Variants in RASGEF1A observed in about 807,000 individuals in gnomAD.
The protein encoded by RASGEF1A is ras-GEF domain-containing family member 1A.
A neutral mutation model predicts 56.4 loss-of-function variants in RASGEF1A; 18 were observed. The observed-to-expected ratio is 0.32, with a 90% confidence interval of 0.22 to 0.47. The LOEUF (loss-of-function observed/expected upper bound fraction) is 0.47, where lower values mean the gene tolerates loss of function less well. Among genes scored for constraint, RASGEF1A ranks in the 20% least tolerant of loss-of-function variants. The pLI, the probability that RASGEF1A is intolerant of heterozygous loss-of-function variation, is 1.00. For synonymous variants in RASGEF1A, 245 were observed against 242.6 expected (o/e 1.01, Z -0.09); for missense variants, 422 against 627.1 (o/e 0.67, Z 3.49).
In RASGEF1A at chr10:43,204,725, C is replaced by T. The variant is rs116760216; in HGVS notation, c.198+1194G>A. ...AGGAGCCAATGCCCAACTGGAGTCTCGTGGGAAGCTGGTCAGATCTCAGGG... is the reference window on the plus strand; with the variant it reads ...AGGAGCCAATGCCCAACTGGAGTCTTGTGGGAAGCTGGTCAGATCTCAGGG... On this transcript the variant is annotated intron_variant, in intron 2 of 12. Coordinates refer to ENST00000395810, the MANE Select transcript of RASGEF1A (RefSeq NM_145313.4). Among the ~76,000 whole-genome samples, 800 of 152,272 alleles carry T rather than the reference C, an allele frequency of 5.3e-3. 6 individuals are homozygous for T. The highest frequency in any genetic ancestry group is 0.017 in the African/African-American group (724 of 41,542).
chr10:43,219,922 G>A (rs1320158008), intron 1 of RASGEF1A, among the ~76,000 whole-genome samples: 2 of 152,214 alleles, frequency 1.3e-5, no homozygotes, highest in Non-Finnish European at 2.9e-5. Context: ...TGTGGGAGCA[G>A]GGAGCTCTCT....
At chr10:43,264,483 G>A (rs957758290) in intron 1 of RASGEF1A, among the ~76,000 whole-genome samples, 2 of 151,690 alleles carry the variant, frequency 1.3e-5, no homozygotes, top group Admixed American at 1.3e-4. Context: ...TCACACCCTT[G>A]CTAGGTAAAC....
chr10:43,220,803 G>T (rs930839916), intron 1 of RASGEF1A, among the ~76,000 whole-genome samples: 4 of 151,744 alleles, frequency 2.6e-5, no homozygotes, highest in Non-Finnish European at 5.9e-5. Context: ...AAAAGGGGGG[G>T]GAGTACTTAT....
At chr10:43,209,895 C>T (rs946450841) in intron 1 of RASGEF1A, among the ~76,000 whole-genome samples, 1 of 152,164 alleles carries the variant, frequency 6.6e-6, no homozygotes, top group Non-Finnish European at 1.5e-5. Context: ...GAGCCAGAAA[C>T]TGGTGGGAGT....
At chr10:43,225,170 CTGTGTCTG>C (rs1384434310) in intron 1 of RASGEF1A, among the ~76,000 whole-genome samples, 3 of 121,550 alleles carry the variant, frequency 2.5e-5, no homozygotes, top group Non-Finnish European at 3.2e-5. Flanking sequence ...CTTTGTGTCT[CTGTGTCTG>C]TGTGTGTCTC....
chr10:43,237,225 T>C (rs1042783901), intron 1 of RASGEF1A, among the ~76,000 whole-genome samples: 2 of 152,038 alleles, frequency 1.3e-5, no homozygotes, highest in African/African-American at 4.8e-5. Flanking sequence ...TCTATGGAAA[T>C]TGGAGGCACC....
chr10:43,199,023 C>A lies in RASGEF1A; in HGVS notation c.953-11G>T. 1 of 1,609,352 alleles carries A rather than the reference C, an allele frequency of 6.2e-7. No individual in the cohort carries two copies. The highest frequency in any genetic ancestry group is 2.2e-5 in the East Asian group (1 of 44,832). On this transcript the variant is annotated splice_polypyrimidine_tract_variant and intron_variant, in intron 8 of 12. Transcript: ENST00000395810. Reference sequence around the variant, plus strand: ...TGAGGTTCATGCCAGCTGCAGAGGACAGCAGGTAGGGTCAGGGCCGGGGGG... The same window carrying A: ...TGAGGTTCATGCCAGCTGCAGAGGAAAGCAGGTAGGGTCAGGGCCGGGGGG...
In RASGEF1A at chr10:43,241,682, C is replaced by T. The variant is rs117955913; in HGVS notation, c.-7+25163G>A. Among the ~76,000 whole-genome samples the T allele has an allele frequency of 8.0e-3, 1,210 of 151,096 alleles. 11 individuals carry two copies. Among genetic ancestry groups the T allele is most frequent in the Non-Finnish European group, 0.014 (923 of 67,782 alleles). ...CAAAAATGGCATAAGACATAAAAAA[C>T]AAATAGCAAATCCTACCTTATCAGT... On this transcript the variant is annotated intron_variant, in intron 1 of 12. Transcript: ENST00000395810.
intron 1 of RASGEF1A, among the ~76,000 whole-genome samples, chr10:43,255,800 G>A (rs572816534): frequency 2.6e-5 from 4 of 152,196 alleles, no homozygotes; most frequent in Admixed American, 2.6e-4. Context: ...ACCAGGTGGT[G>A]GGTGTGTGGC....
In RASGEF1A at chr10:43,252,586, T is replaced by C. The variant is rs555729916; in HGVS notation, c.-7+14259A>G. On this transcript the variant is annotated intron_variant, in intron 1 of 12. Coordinates refer to ENST00000395810, the MANE Select transcript of RASGEF1A (RefSeq NM_145313.4). Reference sequence around the variant, plus strand: ...CAGGCCCTTGACTTCTGCTTAGCCATGGACTCCCAGGAAGGGAGGGGACGT... The same window carrying C: ...CAGGCCCTTGACTTCTGCTTAGCCACGGACTCCCAGGAAGGGAGGGGACGT... 2.6e-5 allele frequency among the ~76,000 whole-genome samples: 4 copies of C among 152,220 alleles called. No individual in the cohort carries two copies. In the South Asian group the frequency reaches 8.3e-4, roughly 32 times the overall value.
At chr10:43,234,032 G>A (rs572936035) in intron 1 of RASGEF1A, among the ~76,000 whole-genome samples, 45 of 152,080 alleles carry the variant, frequency 3.0e-4, no homozygotes, top group South Asian at 1.5e-3. Flanking sequence ...GCTCAGGGCC[G>A]GGGAGGGCAC....
intron 1 of RASGEF1A, among the ~76,000 whole-genome samples, chr10:43,233,709 G>A (rs887138920): frequency 2.0e-5 from 3 of 152,186 alleles, no homozygotes; most frequent in African/African-American, 4.8e-5. Context: ...AAAACAGCCC[G>A]ATCATGCCTA....
At chr10:43,240,423 C>T (rs940010144) in intron 1 of RASGEF1A, among the ~76,000 whole-genome samples, 2 of 152,050 alleles carry the variant, frequency 1.3e-5, no homozygotes, top group Non-Finnish European at 2.9e-5. Context: ...CAATCAGCTA[C>T]TTTAAGTATA....
rs754942717 is a variant in RASGEF1A, at chr10:43,206,039, C to A, written c.78G>T (p.Glu26Asp). The change falls in exon 2 of 13, where the codon GAG (glutamate) becomes GAT (aspartate). Residue 26 changes from glutamate (E) to aspartate (D), a missense_variant. By Grantham distance (45) the Glu-to-Asp change is conservative. This residue lies in a region of RASGEF1A where 273 missense variants were observed against 339.9 expected (regional missense o/e 0.80). Transcript: ENST00000395810. ...AGCCGCCACCGGCCCCGCCTCCACG[C>A]TCCCCCATGCCAGGCTGCACCTGTC... ...CSGQVQPGMG[E>D]RGGGAGGGSG... 1.9e-6 allele frequency: 3 copies of A among 1,609,944 alleles called. No homozygotes were observed. Among genetic ancestry groups the A allele is most frequent in the Non-Finnish European group, 2.5e-6 (3 of 1,178,736 alleles).
chr10:43,218,798 C>T (rs1160370307), intron 1 of RASGEF1A, among the ~76,000 whole-genome samples: 2 of 152,290 alleles, frequency 1.3e-5, no homozygotes, highest in African/African-American at 4.8e-5. Flanking sequence ...AGGGCGCCCG[C>T]TCCAGAGGCC....
intron 1 of RASGEF1A, among the ~76,000 whole-genome samples, chr10:43,263,198 T>G (rs1836566636): frequency 6.6e-6 from 1 of 151,846 alleles, no homozygotes; most frequent in African/African-American, 2.4e-5. Context: ...AACAGGGACT[T>G]TGAGTGTCCC....
Position 43,196,322 on chromosome 10 carries a change from C to T in RASGEF1A, c.1422-54G>A, listed in dbSNP as rs2133174679. ...AGGCCCGAGCAGGGCGGCTTGGGTC[C>T]AAGCCATCCTCAGCCTCCCACCAAA... On this transcript the variant is annotated intron_variant, in intron 12 of 12. Transcript: ENST00000395810. The surrounding 1 kb of genome is among the most constrained non-coding windows in gnomAD (Gnocchi z 4.6). 6 of 1,604,868 alleles carry T rather than the reference C, an allele frequency of 3.7e-6. No individual in the cohort carries two copies. The highest frequency in any genetic ancestry group is 1.1e-5 in the South Asian group (1 of 90,702).
rs369153477 is a variant in RASGEF1A, at chr10:43,210,328, G to A, written c.-6-4206C>T. ...TCTACTAACATTCAAAAAAAAATTA[G>A]CCAGGTGTGGTGGCACAGGCCTGTG... On this transcript the variant is annotated intron_variant, in intron 1 of 12. Transcript: ENST00000395810. Among the ~76,000 whole-genome samples, 49 of 152,084 alleles carry A rather than the reference G, an allele frequency of 3.2e-4. 4 individuals carry two copies. Among genetic ancestry groups the A allele is most frequent in the African/African-American group, 1.2e-3 (49 of 41,472 alleles).
intron 3 of RASGEF1A, among the ~76,000 whole-genome samples, chr10:43,203,001 C>A (rs923692209): frequency 1.4e-5 from 2 of 146,164 alleles, no homozygotes; most frequent in Admixed American, 1.4e-4. Flanking sequence ...TAGCCATGAC[C>A]CCGCCCCCTG....
Sources: gnomAD v4.1 joint callset for allele counts (sites outside exome capture counted in the v4.1 genomes callset) on GRCh38, gnomAD v4.1.1 for gene constraint, gnomAD v4.1.1 regional missense constraint, Gnocchi (gnomAD v3.1) non-coding constraint, MANE v1.5 for transcripts, NCBI Gene and HGNC (gene_info 2026-07-23, HGNC 2026-07-21) for gene names.